Variants in LRMDA observed in about 807,000 individuals in gnomAD.
LRMDA encodes leucine rich melanocyte differentiation associated.
In LRMDA, 18 loss-of-function variants were observed where a neutral mutation model predicts 29.8. The observed-to-expected ratio is 0.60, with a 90% CI of 0.42 to 0.90. The LOEUF (loss-of-function observed/expected upper bound fraction) is 0.90. LRMDA is among the 40% of genes least tolerant of loss of function. The pLI is 0.00. For missense variants in LRMDA, 273 were observed against 273.9 expected (o/e 1.00, Z 0.02); for synonymous variants, 125 against 109.4 (o/e 1.14, Z -0.89).
intron 4 of LRMDA, among the ~76,000 whole-genome samples, chr10:76,055,101 G>GA (rs1432492930): frequency 1.8e-4 from 20 of 113,480 alleles, no homozygotes; most frequent in African/African-American, 6.4e-4. Context: ...AAAAGAAAAA[G>GA]AAAAGAAAGA....
intron 2 of LRMDA, among the ~76,000 whole-genome samples, chr10:75,476,144 T>C (rs1025307342): frequency 1.3e-5 from 2 of 152,224 alleles, no homozygotes; most frequent in African/African-American, 4.8e-5. Flanking sequence ...GTGATCCAAG[T>C]CTTGTTCTCA....
At chr10:75,690,294 C>G (rs1202841159) in intron 2 of LRMDA, among the ~76,000 whole-genome samples, 22 of 152,068 alleles carry the variant, frequency 1.4e-4, no homozygotes, top group Admixed American at 1.4e-3. Context: ...GGTTATAACC[C>G]AGGTCCCCTG....
chr10:76,090,103 A>G (rs1849205932), intron 5 of LRMDA, among the ~76,000 whole-genome samples: 1 of 152,170 alleles, frequency 6.6e-6, no homozygotes, highest in East Asian at 1.9e-4. Context: ...ATACCTGCGG[A>G]AAGTGGAGTG....
At chr10:75,767,577 G>C (rs914524710) in intron 2 of LRMDA, among the ~76,000 whole-genome samples, 2 of 152,146 alleles carry the variant, frequency 1.3e-5, no homozygotes, top group African/African-American at 4.8e-5. Context: ...GGTGAAGACT[G>C]TCATTCATTC....
chr10:76,539,432 G>C (rs1316333513), intron 6 of LRMDA, among the ~76,000 whole-genome samples: 1 of 152,114 alleles, frequency 6.6e-6, no homozygotes, highest in African/African-American at 2.4e-5. Context: ...CAGAGAGATG[G>C]AACAGGTTTC....
chr10:76,326,016 A>G (rs1840829678), intron 6 of LRMDA, among the ~76,000 whole-genome samples: 1 of 152,216 alleles, frequency 6.6e-6, no homozygotes, highest in Non-Finnish European at 1.5e-5. Context: ...AGAGAAATGT[A>G]AAGACGTTAT....
intron 5 of LRMDA, among the ~76,000 whole-genome samples, chr10:76,247,816 C>T (rs2132292850): frequency 6.6e-6 from 1 of 152,292 alleles, no homozygotes; most frequent in South Asian, 2.1e-4. Context: ...CTTCTTGACA[C>T]CCTAAGACTG....
At chr10:76,053,629 C>T (rs1848565163) in intron 4 of LRMDA, among the ~76,000 whole-genome samples, 1 of 152,080 alleles carries the variant, frequency 6.6e-6, no homozygotes, top group African/African-American at 2.4e-5. Context: ...AGCAGGAAGC[C>T]CACTGACTTA....
chr10:76,030,649 C>T (rs1014771789), intron 2 of LRMDA, among the ~76,000 whole-genome samples: 37 of 152,134 alleles, frequency 2.4e-4, no homozygotes, highest in African/African-American at 8.2e-4. Flanking sequence ...ATTAGCTGGG[C>T]GTGGTGGCGG....
rs77355556 is a variant in LRMDA, at chr10:75,725,844, C to T, written c.131+287350C>T. Reference sequence around the variant, plus strand: ...GAGGGCTTTTGCCTTATTATTCAAGCCTTTTTATTTCAGCAAAACTTAGGA... The same window carrying T: ...GAGGGCTTTTGCCTTATTATTCAAGTCTTTTTATTTCAGCAAAACTTAGGA... On this transcript the variant is annotated intron_variant, in intron 2 of 6. Transcript: ENST00000611255. 4.2e-4 allele frequency among the ~76,000 whole-genome samples: 64 copies of T among 152,300 alleles called. No homozygotes were observed. The East Asian group carries it at 0.012, about 28-fold the overall frequency.
intron 6 of LRMDA, among the ~76,000 whole-genome samples, chr10:76,543,061 G>T (rs192611937): frequency 6.6e-6 from 1 of 152,132 alleles, no homozygotes; most frequent in Non-Finnish European, 1.5e-5. Context: ...CTCCATGCTC[G>T]GGAACACTCT....
intron 2 of LRMDA, among the ~76,000 whole-genome samples, chr10:75,954,002 A>G (rs935731071): frequency 6.6e-6 from 1 of 152,138 alleles, no homozygotes; most frequent in African/African-American, 2.4e-5. Context: ...AAAGAGAGAG[A>G]GGGATTTGAC....
At chr10:75,649,384 C>T (rs1270142128) in intron 2 of LRMDA, among the ~76,000 whole-genome samples, 3 of 152,198 alleles carry the variant, frequency 2.0e-5, no homozygotes, top group Admixed American at 6.5e-5. Flanking sequence ...CACCTTTTGG[C>T]TATTGTGCTT....
chr10:75,636,504 C>G (rs1013553631), intron 2 of LRMDA, among the ~76,000 whole-genome samples: 1 of 152,166 alleles, frequency 6.6e-6, no homozygotes, highest in African/African-American at 2.4e-5. Context: ...ATCATTATCA[C>G]TACTTGGGCA....
intron 2 of LRMDA, among the ~76,000 whole-genome samples, chr10:75,627,277 G>C (rs1841262921): frequency 6.6e-6 from 1 of 152,110 alleles, no homozygotes; most frequent in Non-Finnish European, 1.5e-5. Context: ...TATATTATTT[G>C]TGAGCCAAGG....
In LRMDA at chr10:75,587,639, A is replaced by G. The variant is rs562123028; in HGVS notation, c.131+149145A>G. Among the ~76,000 whole-genome samples, 5 of 152,326 alleles carry G rather than the reference A, an allele frequency of 3.3e-5. No individual in the cohort carries two copies. The East Asian group carries it at 9.6e-4, about 29-fold the overall frequency. On this transcript the variant is annotated intron_variant, in intron 2 of 6. Coordinates refer to ENST00000611255, the MANE Select transcript of LRMDA (RefSeq NM_001305581.2). ...GTTGCTGCGACTATGGCAGTTGATG[A>G]CGTACTGGTCAAACCTTTAGATAAC...
At chr10:75,618,926 G>A (rs1053711651) in intron 2 of LRMDA, among the ~76,000 whole-genome samples, 1 of 151,964 alleles carries the variant, frequency 6.6e-6, no homozygotes, top group Non-Finnish European at 1.5e-5. Context: ...GGGACTACAG[G>A]TGCGTGCCAC....
At chr10:75,499,820 T>C (rs938634044) in intron 2 of LRMDA, among the ~76,000 whole-genome samples, 4 of 152,090 alleles carry the variant, frequency 2.6e-5, no homozygotes, top group Non-Finnish European at 5.9e-5. Flanking sequence ...TCCCCTAAGG[T>C]ACCAAGGTGT....
rs570406532 is a variant in LRMDA at position 76,057,869 on chromosome 10, CATTT to C, written c.399-790_399-787del. On this transcript the variant is annotated intron_variant, in intron 4 of 6. Coordinates refer to ENST00000611255, the MANE Select transcript of LRMDA (RefSeq NM_001305581.2). ...TAGACACATGTCCATACCTGTTATA[CATTT>C]ATTTATGCATTTATATAACTATACC... Among the ~76,000 whole-genome samples the C allele has an allele frequency of 3.7e-3, 562 of 152,322 alleles. 2 individuals carry two copies. Among genetic ancestry groups the C allele is most frequent in the Non-Finnish European group, 5.9e-3 (401 of 68,028 alleles).
Sources: allele counts gnomAD v4.1 joint callset (sites outside exome capture counted in the v4.1 genomes callset), GRCh38; gene constraint gnomAD v4.1.1; transcripts MANE v1.5; gene names NCBI Gene and HGNC (gene_info 2026-07-23, HGNC 2026-07-21).